The following ASB7 variants were observed in gnomAD, a reference collection of about 807,000 sequenced individuals.
The protein encoded by ASB7 is ankyrin repeat and SOCS box protein 7.
ASB7 carries 4 observed loss-of-function variants against 32.5 expected under a neutral mutation model. The observed-to-expected ratio is 0.12, with a 90% CI of 0.06 to 0.28. ASB7 has a LOEUF of 0.28. Among genes scored for constraint, ASB7 ranks in the 10% least tolerant of loss-of-function variants. The probability of loss-of-function intolerance (pLI) is 1.00; values close to 1 mark genes in which losing one functional copy is unlikely to be tolerated. For synonymous variants in ASB7, 172 were observed against 155.6 expected, an observed-to-expected ratio of 1.11 and a Z score of -0.78; for missense variants, 181 against 407.1, an observed-to-expected ratio of 0.44 and a Z score of 4.78.
At chr15:100,644,981 C>G (rs534666233) in intron 5 of ASB7, among the ~76,000 whole-genome samples, 1 of 152,354 alleles carries the variant, frequency 6.6e-6, no homozygotes, top group South Asian at 2.1e-4. Flanking sequence ...AGCGTATGTT[C>G]ATACAGGCCT....
At chr15:100,639,811 T>A (rs1317514959) in intron 5 of ASB7, among the ~76,000 whole-genome samples, 3 of 152,238 alleles carry the variant, frequency 2.0e-5, no homozygotes, top group African/African-American at 7.2e-5. Context: ...ACAGAAAATA[T>A]CCTGCCCTTT....
intron 5 of ASB7, among the ~76,000 whole-genome samples, chr15:100,634,296 C>T (rs1167514919): frequency 1.3e-5 from 2 of 152,080 alleles, no homozygotes; most frequent in African/African-American, 2.4e-5. Context: ...CTAGCAGGAA[C>T]GTTTAATCAT....
In ASB7 at chr15:100,602,994, G is replaced by C; in HGVS notation, c.-325G>C. On this transcript the variant is annotated 5_prime_UTR_variant, in exon 1 of 6. Coordinates refer to ENST00000332783, the MANE Select transcript of ASB7 (RefSeq NM_198243.3). ...GGGTATTTCTTCAATGGAGAAGTTG[G>C]TGAGTGTAGAGGAGGCTGAAAGGAG... 1 of 399,260 alleles carries C rather than the reference G, an allele frequency of 2.5e-6. No individual in the cohort carries two copies. The highest frequency in any genetic ancestry group is 4.4e-6 in the Non-Finnish European group (1 of 226,508). The allele number at this position is 399,260 out of a possible 1,614,324, so 24.7% of individuals were successfully genotyped here. A position where few individuals can be genotyped will look rare whatever the true frequency, so the allele number is the denominator to read the frequency against.
At chr15:100,612,541 T>C (rs2039706296) in intron 4 of ASB7, 114 bp downstream of exon 4, 1 of 909,862 alleles carries the variant, frequency 1.1e-6, no homozygotes, top group Non-Finnish European at 1.7e-6. Context: ...ACTCAACATA[T>C]TATTCTCTCT....
At chr15:100,607,604 T>G (rs1321857243) in intron 2 of ASB7, among the ~76,000 whole-genome samples, 2 of 152,218 alleles carry the variant, frequency 1.3e-5, no homozygotes, top group East Asian at 3.8e-4. Context: ...GTGGTTATTG[T>G]TTATAGCACT....
intron 2 of ASB7, among the ~76,000 whole-genome samples, chr15:100,606,895 C>G (rs1279482864): frequency 6.6e-6 from 1 of 152,114 alleles, no homozygotes; most frequent in African/African-American, 2.4e-5. Flanking sequence ...TGGCTCACAC[C>G]TGTAATCCTA....
intron 4 of ASB7, 85 bp downstream of exon 4, chr15:100,612,512 A>T: frequency 2.4e-6 from 3 of 1,255,452 alleles, no homozygotes; most frequent in Non-Finnish European, 3.5e-6. Flanking sequence ...GTAATTTTTA[A>T]TGCTTCTCTT....
chr15:100,632,686 A>G (rs2039893041), intron 5 of ASB7, among the ~76,000 whole-genome samples: 2 of 152,150 alleles, frequency 1.3e-5, no homozygotes, highest in South Asian at 2.1e-4. Flanking sequence ...AGGACAGCAG[A>G]GGGGCCACAT....
intron 5 of ASB7, 121 bp from the exon 6 acceptor site, chr15:100,648,202 C>T (rs1454900539): frequency 1.4e-5 from 15 of 1,084,894 alleles, no homozygotes; most frequent in African/African-American, 8.1e-5. Context: ...GGTATCTTTC[C>T]GGTCCTTTGC....
chr15:100,645,857 C>T (rs939719715), intron 5 of ASB7: 5 of 995,960 alleles, frequency 5.0e-6, no homozygotes, highest in Admixed American at 3.7e-5. Context: ...TCCCAAGATA[C>T]GCTGCAGATT....
intron 5 of ASB7, among the ~76,000 whole-genome samples, chr15:100,644,176 A>T (rs2141408060): frequency 6.6e-6 from 1 of 152,300 alleles, no homozygotes; most frequent in Admixed American, 6.5e-5. Flanking sequence ...TGAACTTGGG[A>T]GATGGAGGTT....
intron 4 of ASB7, among the ~76,000 whole-genome samples, chr15:100,623,284 T>A (rs2039809250): frequency 6.6e-6 from 1 of 152,090 alleles, no homozygotes; most frequent in Admixed American, 6.5e-5. Flanking sequence ...ATGCCTGTAA[T>A]CCCAGCTACT....
chr15:100,626,220 A>G (rs1005711542), intron 4 of ASB7, among the ~76,000 whole-genome samples: 3 of 152,210 alleles, frequency 2.0e-5, no homozygotes, highest in Non-Finnish European at 4.4e-5. Context: ...AGGAGAAAAT[A>G]TTTACAAGAC....
At position 100,602,982 on chromosome 15, in the gene ASB7, A is replaced by G. The variant is rs574922525; in HGVS notation, c.-337A>G. The G allele has an allele frequency of 5.8e-5, 23 of 399,102 alleles. No homozygotes were observed. The highest frequency in any genetic ancestry group is 4.3e-4 in the African/African-American group (21 of 48,746). 24.7% of individuals were successfully genotyped at this position (399,102 alleles called of 1,614,324 possible). A position where few individuals can be genotyped will look rare whatever the true frequency, so the allele number is the denominator to read the frequency against. Reference sequence around the variant, plus strand: ...CGGCCCTGCCTGGGGTATTTCTTCAATGGAGAAGTTGGTGAGTGTAGAGGA... The same window carrying G: ...CGGCCCTGCCTGGGGTATTTCTTCAGTGGAGAAGTTGGTGAGTGTAGAGGA... On this transcript the variant is annotated 5_prime_UTR_variant, in exon 1 of 6. The change abolishes an upstream ATG in the 5' untranslated region. Transcript: ENST00000332783.
intron 5 of ASB7, among the ~76,000 whole-genome samples, chr15:100,630,835 C>T (rs1013454669): frequency 1.3e-5 from 2 of 152,192 alleles, no homozygotes; most frequent in African/African-American, 2.4e-5. Flanking sequence ...GCTTAATGTC[C>T]ACCATGAAGC....
At chr15:100,625,090 CAGA>C (rs1332017929) in intron 4 of ASB7, among the ~76,000 whole-genome samples, 2 of 152,098 alleles carry the variant, frequency 1.3e-5, no homozygotes, top group African/African-American at 4.8e-5. Flanking sequence ...AAACCAGAAG[CAGA>C]AGGTGATTTC....
At chr15:100,607,147 G>A (rs1318258330) in intron 2 of ASB7, among the ~76,000 whole-genome samples, 8 of 140,434 alleles carry the variant, frequency 5.7e-5, no homozygotes, top group Non-Finnish European at 9.5e-5. Context: ...GCGAGCCTCC[G>A]TCTCAAAAAA....
chr15:100,623,223 A>AC (rs2039808798), intron 4 of ASB7, among the ~76,000 whole-genome samples: 2 of 152,120 alleles, frequency 1.3e-5, no homozygotes, highest in African/African-American at 4.8e-5. Context: ...ACATGGTAAA[A>AC]CCCCATCTCT....
chr15:100,642,134 A>C (rs2039965924), intron 5 of ASB7, among the ~76,000 whole-genome samples: 1 of 152,254 alleles, frequency 6.6e-6, no homozygotes, highest in Non-Finnish European at 1.5e-5. Context: ...AGTCTAGAGC[A>C]TTTCAACATA....
Sources: gnomAD v4.1 joint callset for allele counts (sites outside exome capture counted in the v4.1 genomes callset) on GRCh38, gnomAD v4.1.1 for gene constraint, MANE v1.5 for transcripts, NCBI Gene and HGNC (gene_info 2026-07-23, HGNC 2026-07-21) for gene names.